Variants in ERC2 observed in about 807,000 individuals in gnomAD.
The protein encoded by ERC2 is ERC protein 2.
ERC2 carries 42 observed loss-of-function variants against 114.8 expected under a neutral mutation model. The observed-to-expected ratio is 0.37, with a 90% CI of 0.29 to 0.47. ERC2 has a LOEUF of 0.47. Ranked by LOEUF, ERC2 falls within the 20% of genes least tolerant of loss-of-function variation. The pLI is 0.99. For synonymous variants in ERC2, 454 were observed against 425.5 expected (o/e 1.07, Z -0.82); for missense variants, 939 against 1,150.7 (o/e 0.82, Z 2.66).
At chr3:55,752,089 G>T (rs1380230234) in intron 14 of ERC2, among the ~76,000 whole-genome samples, 4 of 152,170 alleles carry the variant, frequency 2.6e-5, no homozygotes, top group African/African-American at 9.7e-5. Context: ...CAACCTCCAG[G>T]CTTAATGGAA....
chr3:56,016,897 G>T (rs568773697), intron 8 of ERC2, among the ~76,000 whole-genome samples: 1 of 152,190 alleles, frequency 6.6e-6, no homozygotes, highest in African/African-American at 2.4e-5. Flanking sequence ...CTGTAACAGG[G>T]AATATAGGAG....
At chr3:56,205,038 C>T (rs2048638782) in intron 3 of ERC2, among the ~76,000 whole-genome samples, 2 of 152,034 alleles carry the variant, frequency 1.3e-5, no homozygotes, top group South Asian at 4.1e-4. Flanking sequence ...TTCACATAAA[C>T]TCTTTTAACA....
intron 17 of ERC2, among the ~76,000 whole-genome samples, chr3:55,590,527 G>GAAA (rs2057821724): frequency 6.6e-6 from 1 of 152,184 alleles, no homozygotes; most frequent in Non-Finnish European, 1.5e-5. Flanking sequence ...GAATAAATAT[G>GAAA]ATTTTTCCAT....
At chr3:56,283,170 T>C (rs1342970095) in intron 3 of ERC2, among the ~76,000 whole-genome samples, 1 of 152,232 alleles carries the variant, frequency 6.6e-6, no homozygotes, top group African/African-American at 2.4e-5. Flanking sequence ...CAATGTGCAA[T>C]TGGCAAAGAT....
intron 16 of ERC2, among the ~76,000 whole-genome samples, chr3:55,689,099 G>A (rs2062492714): frequency 6.6e-6 from 1 of 152,130 alleles, no homozygotes; most frequent in Admixed American, 6.5e-5. Context: ...GAGAATCTGT[G>A]CAGCCTGGAT....
At chr3:56,287,203 A>T (rs2054779900) in intron 3 of ERC2, among the ~76,000 whole-genome samples, 1 of 152,226 alleles carries the variant, frequency 6.6e-6, no homozygotes, top group Admixed American at 6.5e-5. Context: ...CGTGTCTCAC[A>T]ATTGACACAG....
rs755655480 is a variant in ERC2, at chr3:56,007,292, T to C, written c.1950A>G (p.Ala650=). 8 of 1,599,804 alleles carry C rather than the reference T, an allele frequency of 5.0e-6. No homozygotes were observed. Among genetic ancestry groups the C allele is most frequent in the African/African-American group, 1.3e-5 (1 of 74,706 alleles). The change falls in exon 10 of 18, where the codon GCA becomes GCG. Residue 650 remains alanine (A), a synonymous_variant. Coordinates refer to ENST00000288221, the MANE Select transcript of ERC2 (RefSeq NM_015576.3). ...ESSLIDLKEH[A]SSLASAGLKR... is the part of the protein sequence containing the mutation. ...TCAGCCCCGCAGAGGCTAATGAAGA[T>C]GCATGTTCTTTGAGGTCAATTAAAC...
At chr3:56,214,814 C>A (rs1200084469) in intron 3 of ERC2, among the ~76,000 whole-genome samples, 2 of 152,176 alleles carry the variant, frequency 1.3e-5, no homozygotes, top group Non-Finnish European at 2.9e-5. Context: ...ACTCTACGAG[C>A]CAGAAGAGAG....
intron 3 of ERC2, among the ~76,000 whole-genome samples, chr3:56,280,204 T>G (rs1392946357): frequency 6.6e-6 from 1 of 152,034 alleles, no homozygotes; most frequent in African/African-American, 2.4e-5. Context: ...CAGCTGGCCT[T>G]TAGAAGCTGG....
chr3:55,579,324 T>C (rs2057141521), intron 17 of ERC2, among the ~76,000 whole-genome samples: 1 of 151,950 alleles, frequency 6.6e-6, no homozygotes, highest in African/African-American at 2.4e-5. Context: ...GTTTTTCAAT[T>C]TGAAAAAAAA....
At chr3:56,306,823 T>C (rs989546635) in intron 2 of ERC2, among the ~76,000 whole-genome samples, 1 of 152,210 alleles carries the variant, frequency 6.6e-6, no homozygotes, top group Non-Finnish European at 1.5e-5. Context: ...TCAAGCTGTG[T>C]GATCTTGAGA....
At chr3:56,347,466 T>C (rs1023223591) in intron 2 of ERC2, among the ~76,000 whole-genome samples, 1 of 151,992 alleles carries the variant, frequency 6.6e-6, no homozygotes, top group Admixed American at 6.6e-5. Flanking sequence ...CCTATTGGCT[T>C]CCTGCCCCTG....
At chr3:56,170,104 T>C (rs1043148855) in intron 4 of ERC2, among the ~76,000 whole-genome samples, 6 of 152,176 alleles carry the variant, frequency 3.9e-5, no homozygotes, top group African/African-American at 9.7e-5. Context: ...ACACACAGTG[T>C]TCTAAGTGCA....
chr3:56,364,296 A>C (rs140021609), intron 2 of ERC2, among the ~76,000 whole-genome samples: 1 of 152,324 alleles, frequency 6.6e-6, no homozygotes, highest in African/African-American at 2.4e-5. Flanking sequence ...GGTGATAACA[A>C]AGCTTGAAAA....
intron 7 of ERC2, among the ~76,000 whole-genome samples, chr3:56,068,149 C>T (rs113673670): frequency 4.6e-5 from 7 of 152,260 alleles, no homozygotes; most frequent in African/African-American, 1.7e-4. Flanking sequence ...TAGAATTTGG[C>T]TGTGAATCCA....
At chr3:55,598,939 G>C (rs926250533) in intron 17 of ERC2, among the ~76,000 whole-genome samples, 11 of 152,172 alleles carry the variant, frequency 7.2e-5, no homozygotes, top group African/African-American at 2.4e-4. Context: ...TCCCAACACT[G>C]TAGCCACTGG....
At chr3:55,768,799 A>G (rs6445753) in intron 14 of ERC2, among the ~76,000 whole-genome samples, 148,096 of 152,266 alleles carry the variant, frequency 0.97, 72,154 homozygotes, top group East Asian at 1. Context: ...AGCGGGCAGC[A>G]GCAGGTTACA....
intron 2 of ERC2, among the ~76,000 whole-genome samples, chr3:56,380,744 G>A (rs1163929203): frequency 6.6e-6 from 1 of 152,180 alleles, no homozygotes; most frequent in African/African-American, 2.4e-5. Context: ...GACTAAAAAT[G>A]GAGGTAAAGT....
intron 1 of ERC2, among the ~76,000 whole-genome samples, chr3:56,454,860 G>GAA (rs1193227476): frequency 5.3e-5 from 1 of 18,864 alleles, no homozygotes; most frequent in Non-Finnish European, 1.1e-4. Context: ...CTCTGTCTCA[G>GAA]AAAAAAAAAA....
Sources: allele counts gnomAD v4.1 joint callset (sites outside exome capture counted in the v4.1 genomes callset), GRCh38; gene constraint gnomAD v4.1.1; transcripts MANE v1.5; gene names NCBI Gene and HGNC (gene_info 2026-07-23, HGNC 2026-07-21).